PCDHGC5: variants seen among roughly 807,000 people sequenced by gnomAD.
The protein encoded by PCDHGC5 is protocadherin gamma-C5.
Under a neutral mutation model 59.0 loss-of-function variants are expected in PCDHGC5, and 25 were observed. That is an observed-to-expected ratio of 0.42 (90% CI 0.31 to 0.59). The LOEUF is 0.59. Ranked by LOEUF, PCDHGC5 falls within the 20% of genes least tolerant of loss-of-function variation. PCDHGC5 has a pLI of 0.13. For synonymous variants in PCDHGC5, 434 were observed against 505.5 expected (o/e 0.86, Z 1.90); for missense variants, 1,067 against 1,206.4 (o/e 0.88, Z 1.71).
In PCDHGC5 at chr5:141,505,419, C is replaced by T; in HGVS notation, c.2546C>T (p.Thr849Ile). 3 of 1,614,258 alleles carry T rather than the reference C, an allele frequency of 1.9e-6. No homozygotes were observed. Among genetic ancestry groups the T allele is most frequent in the Non-Finnish European group, 2.5e-6 (3 of 1,180,054 alleles). Residue 849 changes from threonine to isoleucine, a missense_variant, in exon 3 of 4, where the codon ACC becomes ATC. By Grantham distance (89) the Thr-to-Ile change is moderately conservative. Transcript: ENST00000252087. The part of the protein sequence containing the change: ...SGSQNGDDTG[T>I]WPNNQFDTEM... ...TCCCAAAATGGCGATGACACCGGCA[C>T]CTGGCCCAACAACCAGTTTGACACA...
Position 141,489,805 on chromosome 5 carries a change from A to T in PCDHGC5, c.565A>T (p.Lys189Ter). Residue 189 changes from lysine to a stop codon, truncating the protein, a stop_gained, in exon 1 of 4, where the codon AAG (lysine) becomes TAG (stop). Transcript: ENST00000252087. LOFTEE classifies it high-confidence loss of function. The surrounding 1 kb of genome is among the most constrained non-coding windows in gnomAD (Gnocchi z 4.5). ...SLNVKTLKDGKPFPELVLEQQ... is the reference protein window; with the variant it reads ...SLNVKTLKDG ...GAATGTGAAGACCCTAAAAGATGGG[A>T]AGCCATTCCCAGAGCTGGTGCTAGA... 1 of 1,614,166 alleles carries T rather than the reference A, an allele frequency of 6.2e-7. No individual in the cohort carries two copies. Among genetic ancestry groups the T allele is most frequent in the Non-Finnish European group, 8.5e-7 (1 of 1,180,012 alleles).
At chr5:141,495,073 C>T (rs1464039604) in intron 2 of PCDHGC5, among the ~76,000 whole-genome samples, 1 of 152,186 alleles carries the variant, frequency 6.6e-6, no homozygotes, top group Non-Finnish European at 1.5e-5. Flanking sequence ...GCTCAATTCA[C>T]ATGCTTGCCC....
chr5:141,505,832 T>G (rs1006398435), intron 3 of PCDHGC5, among the ~76,000 whole-genome samples: 1 of 152,188 alleles, frequency 6.6e-6, no homozygotes, highest in African/African-American at 2.4e-5. Flanking sequence ...AAACCTCAGT[T>G]TCCTCAGCCT....
chr5:141,491,361 C>T lies in PCDHGC5; in HGVS notation c.2121C>T (p.Val707=). 1 of 1,614,132 alleles carries T rather than the reference C, an allele frequency of 6.2e-7. No homozygotes were observed. The highest frequency in any genetic ancestry group is 8.5e-7 in the Non-Finnish European group (1 of 1,179,982). ...ALATVSLLSL[V]TFTFLSAKCL... ...CGACCGTCAGTCTCTTATCCCTAGT[C>T]ACCTTCACCTTTCTGTCAGCGAAGT... Residue 707 remains valine, a synonymous_variant, in exon 1 of 4, where the codon GTC becomes GTT. Transcript: ENST00000252087. The surrounding 1 kb of genome is among the most constrained non-coding windows in gnomAD (Gnocchi z 6.9).
At chr5:141,505,336 G>T in intron 2 of PCDHGC5, 57 bp from the exon 3 acceptor site, 2 of 1,611,372 alleles carry the variant, frequency 1.2e-6, no homozygotes, top group Non-Finnish European at 1.7e-6. Context: ...GAGGACAGGA[G>T]GGGCATGAGC....
intron 3 of PCDHGC5, 85 bp from the exon 4 acceptor site, chr5:141,510,862 C>A: frequency 6.2e-7 from 1 of 1,606,772 alleles, no homozygotes. Context: ...GCTGTATAGG[C>A]ATTCATTAAC....
At chr5:141,495,910 A>C (rs2154591812) in intron 2 of PCDHGC5, among the ~76,000 whole-genome samples, 1 of 151,278 alleles carries the variant, frequency 6.6e-6, no homozygotes, top group East Asian at 1.9e-4. Flanking sequence ...GTCTCTGTAT[A>C]TCTTTCTTTG....
rs200411745 is a variant in PCDHGC5, at chr5:141,490,281, C to T, written c.1041C>T (p.Ala347=). The T allele has an allele frequency of 1.2e-6, 2 of 1,614,070 alleles. No homozygotes were observed. The highest frequency in any genetic ancestry group is 1.3e-5 in the African/African-American group (1 of 74,924). Residue 347 remains alanine, a synonymous_variant, in exon 1 of 4, where the codon GCC becomes GCT. Transcript: ENST00000252087. This position sits in a 1 kb window ranked among gnomAD's most constrained non-coding sequence, Gnocchi z 5.4. The stretch of plus-strand genomic sequence containing the variant: ...ATGTGGGGGATGTCAATGACAATGC[C>T]CCAGAGGTGCTATTGGCCTCTTTGG... ...QVDVGDVNDN[A]PEVLLASLAN... is the part of the protein sequence containing the mutation.
intron 3 of PCDHGC5, among the ~76,000 whole-genome samples, chr5:141,509,532 A>C (rs2099877210): frequency 6.6e-6 from 1 of 152,124 alleles, no homozygotes; most frequent in African/African-American, 2.4e-5. Flanking sequence ...GCACAGGATG[A>C]AGCACCATCT....
intron 1 of PCDHGC5, among the ~76,000 whole-genome samples, chr5:141,494,397 A>G (rs965158973): frequency 7.2e-5 from 11 of 152,208 alleles, no homozygotes; most frequent in African/African-American, 2.4e-4. Flanking sequence ...GAATAAATTC[A>G]TTCTAGGGCT....
Position 141,489,120 on chromosome 5 carries a change from G to T in PCDHGC5, c.-121G>T. On this transcript the variant is annotated 5_prime_UTR_variant, in exon 1 of 4. Coordinates refer to ENST00000252087, the MANE Select transcript of PCDHGC5 (RefSeq NM_018929.3). The surrounding 1 kb of genome is among the most constrained non-coding windows in gnomAD (Gnocchi z 4.5). Reference sequence around the variant, plus strand: ...AACTGCTGCAAGCAGGCAAACCTCCGAGCAGTTTTTAAGAGGCTGGAAGGA... The same window carrying T: ...AACTGCTGCAAGCAGGCAAACCTCCTAGCAGTTTTTAAGAGGCTGGAAGGA... 2.2e-6 allele frequency: 1 copy of T among 445,672 alleles called. No individual in the cohort carries two copies. The highest frequency in any genetic ancestry group is 3.8e-6 in the Non-Finnish European group (1 of 264,754). The allele number at this position is 445,672 out of a possible 1,614,324, so 27.6% of individuals were successfully genotyped here.
intron 2 of PCDHGC5, among the ~76,000 whole-genome samples, chr5:141,496,841 G>C (rs2099771828): frequency 6.6e-6 from 1 of 151,398 alleles, no homozygotes; most frequent in South Asian, 2.1e-4. Context: ...GAACTCATAG[G>C]CTTCCAGACC....
At chr5:141,506,103 C>T (rs1001709380) in intron 3 of PCDHGC5, among the ~76,000 whole-genome samples, 2 of 152,144 alleles carry the variant, frequency 1.3e-5, no homozygotes, top group Admixed American at 1.3e-4. Context: ...GTGGTTGTCC[C>T]TGAAGAGTCA....
intron 3 of PCDHGC5, 124 bp from the exon 4 acceptor site, chr5:141,510,823 C>A: frequency 6.4e-7 from 1 of 1,562,432 alleles, no homozygotes. Context: ...CCTATATTCC[C>A]AGTGCTCAGC....
rs529966095 is a variant in PCDHGC5 at position 141,499,776 on chromosome 5, TC to T, written c.2519+4914del. 3.7e-3 allele frequency among the ~76,000 whole-genome samples: 528 copies of T among 141,410 alleles called. 6 individuals carry two copies. Among genetic ancestry groups the T allele is most frequent in the Non-Finnish European group, 4.2e-3 (282 of 66,550 alleles). The allele number at this position is 141,410 out of a possible 152,430, so 92.8% of individuals were successfully genotyped here. ...ATCTCAGCTCACTGCAGCCTTCGCCTCCCGGGTTCAAGCAATTCTCATGCTT... is the reference window on the plus strand; with the variant it reads ...ATCTCAGCTCACTGCAGCCTTCGCCTCCGGGTTCAAGCAATTCTCATGCTT... On this transcript the variant is annotated intron_variant, in intron 2 of 3. Coordinates refer to ENST00000252087, the MANE Select transcript of PCDHGC5 (RefSeq NM_018929.3).
chr5:141,494,446 G>C (rs1046119515), intron 1 of PCDHGC5, among the ~76,000 whole-genome samples: 2 of 152,172 alleles, frequency 1.3e-5, no homozygotes, highest in African/African-American at 4.8e-5. Context: ...TGCCACTTTA[G>C]GGGGCTTTGT....
chr5:141,491,438 G>A lies in PCDHGC5; in HGVS notation c.2198G>A (p.Arg733His), dbSNP rs376927300. The A allele has an allele frequency of 3.7e-6, 6 of 1,614,066 alleles. No homozygotes were observed. Among genetic ancestry groups the A allele is most frequent in the Admixed American group, 1.7e-5 (1 of 60,016 alleles). The change falls in exon 1 of 4, where the codon CGC becomes CAC. Residue 733 changes from arginine to histidine, a missense_variant. Coordinates refer to ENST00000252087, the MANE Select transcript of PCDHGC5 (RefSeq NM_018929.3). This position sits in a 1 kb window ranked among gnomAD's most constrained non-coding sequence, Gnocchi z 6.9. ...GDGGGGQCCR[R>H]QDSPSPDFYK... ...GGGGGTGGAGGGCAGTGCTGCAGGC[G>A]CCAGGACTCACCCTCCCCGGACTTC...
At chr5:141,496,888 T>TAA (rs35063790) in intron 2 of PCDHGC5, among the ~76,000 whole-genome samples, 141 of 134,106 alleles carry the variant, frequency 1.1e-3, no homozygotes, top group East Asian at 2.4e-3. Context: ...AAGTAACACT[T>TAA]AAAAAAAAAA....
At position 141,512,903 on chromosome 5, in the gene PCDHGC5, CAA is replaced by C. The variant is rs2099884494; in HGVS notation, c.*1731_*1732del. The C allele has an allele frequency of 6.6e-6, 1 of 152,224 alleles. No individual in the cohort carries two copies. Among genetic ancestry groups the C allele is most frequent in the African/African-American group, 2.4e-5 (1 of 41,452 alleles). 9.4% of individuals were successfully genotyped at this position (152,224 alleles called of 1,614,324 possible). On this transcript the variant is annotated 3_prime_UTR_variant, in exon 4 of 4. Transcript: ENST00000252087. ...CCCCACCCTCTTCCTGTGTCTCACG[CAA>C]GTTTTATACTCTAATATTTATATGG...
Sources: allele counts gnomAD v4.1 joint callset (sites outside exome capture counted in the v4.1 genomes callset), GRCh38; gene constraint gnomAD v4.1.1; non-coding constraint Gnocchi (gnomAD v3.1); transcripts MANE v1.5; gene names NCBI Gene and HGNC (gene_info 2026-07-23, HGNC 2026-07-21).